The following PMEPA1 variants were observed in gnomAD, a reference collection of about 807,000 sequenced individuals.
The protein encoded by PMEPA1 is protein TMEPAI.
In PMEPA1, 11 loss-of-function variants were observed where a neutral mutation model predicts 23.0. The observed-to-expected ratio is 0.48, with a 90% CI of 0.30 to 0.79. The LOEUF is 0.79. Ranked by LOEUF, PMEPA1 falls within the 30% of genes least tolerant of loss-of-function variation. PMEPA1 has a pLI of 0.06. For synonymous variants in PMEPA1, 204 were observed against 166.4 expected (o/e 1.23, Z -1.74); for missense variants, 377 against 390.9 (o/e 0.96, Z 0.30).
chr20:57,699,081 G>A (rs2071978261), intron 1 of PMEPA1, among the ~76,000 whole-genome samples: 1 of 152,202 alleles, frequency 6.6e-6, no homozygotes, highest in Non-Finnish European at 1.5e-5. Context: ...CTCCCTAAAG[G>A]AAGTGTGGTC....
chr20:57,694,102 A>T (rs2146701496), intron 1 of PMEPA1, among the ~76,000 whole-genome samples: 1 of 152,302 alleles, frequency 6.6e-6, no homozygotes, highest in Non-Finnish European at 1.5e-5. Context: ...TGTGACCTTG[A>T]TCTCATTAGA....
intron 2 of PMEPA1, 83 bp downstream of exon 2, chr20:57,659,460 G>C: frequency 7.0e-7 from 1 of 1,421,260 alleles, no homozygotes. Context: ...TGCAAACGCT[G>C]CCATTGGATC....
intron 1 of PMEPA1, 78 bp downstream of exon 1, chr20:57,709,396 C>A (rs1275445514): frequency 2.0e-6 from 2 of 982,484 alleles, no homozygotes; most frequent in African/African-American, 1.8e-5. Flanking sequence ...AGGGCCCGGA[C>A]CCCCGCTCGC....
At chr20:57,671,383 T>C (rs1378799692) in intron 1 of PMEPA1, among the ~76,000 whole-genome samples, 1 of 152,146 alleles carries the variant, frequency 6.6e-6, no homozygotes, top group Non-Finnish European at 1.5e-5. Flanking sequence ...GAGTCCGTGG[T>C]GGTGTTGACG....
chr20:57,649,683 C>G lies in PMEPA1; in HGVS notation c.*2370G>C, dbSNP rs894789071. The G allele has an allele frequency of 2.6e-5, 4 of 152,046 alleles. No homozygotes were observed. The highest frequency in any genetic ancestry group is 9.7e-5 in the African/African-American group (4 of 41,326). 9.4% of individuals were successfully genotyped at this position (152,046 alleles called of 1,614,324 possible). ...GATGGGAGTCGTGTACAAACCTTGG[C>G]AAAAAAAGGTTGGAGGAGCAGGAGT... is the stretch of plus-strand genomic sequence containing the variant. On this transcript the variant is annotated 3_prime_UTR_variant, in exon 4 of 4. Transcript: ENST00000341744.
At chr20:57,669,523 A>T (rs1308509092) in intron 1 of PMEPA1, among the ~76,000 whole-genome samples, 2 of 152,228 alleles carry the variant, frequency 1.3e-5, no homozygotes, top group African/African-American at 4.8e-5. Context: ...AGGTTTGCAC[A>T]AAAGGTCACA....
chr20:57,678,461 C>T (rs1339241687), intron 1 of PMEPA1, among the ~76,000 whole-genome samples: 4 of 152,236 alleles, frequency 2.6e-5, no homozygotes, highest in Non-Finnish European at 5.9e-5. Flanking sequence ...CAGCCTTAAG[C>T]GGTCCTTAGG....
chr20:57,662,363 G>A (rs2071433717), intron 1 of PMEPA1, among the ~76,000 whole-genome samples: 2 of 152,224 alleles, frequency 1.3e-5, no homozygotes, highest in Admixed American at 1.3e-4. Flanking sequence ...CACGGGCTCA[G>A]AGGGAAAAGT....
At chr20:57,700,328 C>G in intron 1 of PMEPA1, 1 of 351,158 alleles carries the variant, frequency 2.8e-6, no homozygotes, top group Non-Finnish European at 5.7e-6. Context: ...GTTTATTGAT[C>G]TATTTGGTGC....
intron 2 of PMEPA1, among the ~76,000 whole-genome samples, chr20:57,659,039 A>G (rs1600776637): frequency 6.6e-6 from 1 of 152,084 alleles, no homozygotes; most frequent in East Asian, 1.9e-4. Flanking sequence ...GCCTCGAGAG[A>G]TGTGGGTCAA....
At position 57,651,838 on chromosome 20, in the gene PMEPA1, T is replaced by G; in HGVS notation, c.*215A>C. The G allele has an allele frequency of 2.8e-6, 1 of 356,898 alleles. No homozygotes were observed. 22.1% of individuals were successfully genotyped at this position (356,898 alleles called of 1,614,324 possible). A position where few individuals can be genotyped will look rare whatever the true frequency, so the allele number is the denominator to read the frequency against. ...CACAGCTCAACAAAGAAACGTGGTT[T>G]TTTTTTTTCTTTTTTCTTTTTTTTT... On this transcript the variant is annotated 3_prime_UTR_variant, in exon 4 of 4. Transcript: ENST00000341744.
At chr20:57,678,037 G>T (rs2071661860) in intron 1 of PMEPA1, among the ~76,000 whole-genome samples, 1 of 152,232 alleles carries the variant, frequency 6.6e-6, no homozygotes, top group Non-Finnish European at 1.5e-5. Flanking sequence ...GGTTTCATGG[G>T]TAAGGGGGTG....
intron 1 of PMEPA1, among the ~76,000 whole-genome samples, chr20:57,687,922 G>A (rs1164982002): frequency 6.6e-6 from 1 of 151,908 alleles, no homozygotes; most frequent in Non-Finnish European, 1.5e-5. Flanking sequence ...TGGGTTCCCT[G>A]TCCAGGGAAG....
In PMEPA1 at chr20:57,649,084, T is replaced by C. The variant is rs2146626768; in HGVS notation, c.*2969A>G. 6.6e-6 allele frequency: 1 copy of C among 152,118 alleles called. No homozygotes were observed. Among genetic ancestry groups the C allele is most frequent in the East Asian group, 1.9e-4 (1 of 5,172 alleles). The allele number at this position is 152,118 out of a possible 1,614,324, so 9.4% of individuals were successfully genotyped here. Reference sequence around the variant, plus strand: ...TGGTGATTGACAGGCAGGGAGACAGTGACAAGGCTAGAGAAAGCCACGCTC... The same window carrying C: ...TGGTGATTGACAGGCAGGGAGACAGCGACAAGGCTAGAGAAAGCCACGCTC... On this transcript the variant is annotated 3_prime_UTR_variant, in exon 4 of 4. Transcript: ENST00000341744.
chr20:57,707,892 T>C (rs985618244), intron 1 of PMEPA1, among the ~76,000 whole-genome samples: 1 of 152,188 alleles, frequency 6.6e-6, no homozygotes, highest in Non-Finnish European at 1.5e-5. Flanking sequence ...TGCATTTCAT[T>C]AGCCTCCTGA....
At position 57,691,603 on chromosome 20, in the gene PMEPA1, C is replaced by T. The variant is rs183226757; in HGVS notation, c.109+17871G>A. On this transcript the variant is annotated intron_variant, in intron 1 of 3. Transcript: ENST00000341744. ...TTCCTCAGGGATGGGGTAGGGAGAA[C>T]GTTTTCCCCCGAAGAAAATCATTAC... 5.3e-5 allele frequency among the ~76,000 whole-genome samples: 8 copies of T among 152,262 alleles called. No homozygotes were observed. In the East Asian group the frequency reaches 9.7e-4, roughly 18 times the overall value.
At chr20:57,668,675 C>T (rs2071526851) in intron 1 of PMEPA1, among the ~76,000 whole-genome samples, 1 of 152,240 alleles carries the variant, frequency 6.6e-6, no homozygotes, top group South Asian at 2.1e-4. Context: ...TGAACCTTTG[C>T]TCCAGCATAT....
chr20:57,699,651 C>G (rs763224399), intron 1 of PMEPA1, among the ~76,000 whole-genome samples: 3 of 152,250 alleles, frequency 2.0e-5, no homozygotes, highest in Non-Finnish European at 1.5e-5. Context: ...ACTGAGACCA[C>G]TGGTGCTGAA....
intron 1 of PMEPA1, among the ~76,000 whole-genome samples, chr20:57,707,938 C>T (rs2072110744): frequency 6.6e-6 from 1 of 152,332 alleles, no homozygotes; most frequent in Middle Eastern, 3.4e-3. Context: ...AAGTCGGTTC[C>T]GCAAACGCTG....
Sources: allele counts gnomAD v4.1 joint callset (sites outside exome capture counted in the v4.1 genomes callset), GRCh38; gene constraint gnomAD v4.1.1; transcripts MANE v1.5; gene names NCBI Gene and HGNC (gene_info 2026-07-23, HGNC 2026-07-21).